The following CSNK2A1 variants were observed in gnomAD, a reference collection of about 807,000 sequenced individuals.
The protein encoded by CSNK2A1 is casein kinase II subunit alpha.
Under a neutral mutation model 62.9 loss-of-function variants are expected in CSNK2A1, and 10 were observed. The ratio of observed to expected loss-of-function variants is 0.16; its 90% confidence interval spans 0.10 to 0.27. The LOEUF is 0.27. Among genes scored for constraint, CSNK2A1 ranks in the 10% least tolerant of loss-of-function variants. The pLI is 1.00. For synonymous variants in CSNK2A1, 124 were observed against 167.8 expected (o/e 0.74, Z 2.02); for missense variants, 160 against 492.0 (o/e 0.33, Z 6.38).
At chr20:527,431 C>T (rs888671506) in intron 2 of CSNK2A1, among the ~76,000 whole-genome samples, 3 of 152,176 alleles carry the variant, frequency 2.0e-5, no homozygotes, top group Non-Finnish European at 2.9e-5. Context: ...ACTTGCTTCC[C>T]ACTCCTCTCC....
intron 2 of CSNK2A1, among the ~76,000 whole-genome samples, chr20:523,822 GCACTCCAGCCTGGGCGA>G (rs2019001420): frequency 7.6e-6 from 1 of 131,542 alleles, no homozygotes; most frequent in African/African-American, 3.0e-5. Context: ...TCACGCCAAT[GCACTCCAGCCTGGGCGA>G]CAGAGCAAGA....
intron 2 of CSNK2A1, among the ~76,000 whole-genome samples, chr20:519,758 G>A (rs2018906478): frequency 6.6e-6 from 1 of 152,140 alleles, no homozygotes; most frequent in South Asian, 2.1e-4. Context: ...ATCCCATTTT[G>A]GAAGGTCTGA....
rs543438102 is a variant in CSNK2A1, at chr20:475,735, G to A, written c.*8226C>T. On this transcript the variant is annotated 3_prime_UTR_variant, in exon 14 of 14. Coordinates refer to ENST00000217244, the MANE Select transcript of CSNK2A1 (RefSeq NM_177559.3). ...GATTTGCTTTCGCCAATGGGATGATGGTGCTTGTGACACAGCAGAGGCTTG... is the reference window on the plus strand; with the variant it reads ...GATTTGCTTTCGCCAATGGGATGATAGTGCTTGTGACACAGCAGAGGCTTG... 6.6e-6 allele frequency: 1 copy of A among 152,236 alleles called. No individual in the cohort carries two copies. Among genetic ancestry groups the A allele is most frequent in the Non-Finnish European group, 1.5e-5 (1 of 68,086 alleles). The allele number at this position is 152,236 out of a possible 1,614,324, so 9.4% of individuals were successfully genotyped here.
intron 1 of CSNK2A1, among the ~76,000 whole-genome samples, chr20:536,116 T>C (rs186291432): frequency 5.1e-4 from 77 of 151,824 alleles, no homozygotes; most frequent in Admixed American, 2.6e-3. Flanking sequence ...ACACGAGTAA[T>C]TGAGGTAATC....
intron 3 of CSNK2A1, 152 bp downstream of exon 3, chr20:508,299 C>T: frequency 1.2e-6 from 1 of 826,584 alleles, no homozygotes; most frequent in Non-Finnish European, 1.8e-6. Flanking sequence ...ACTGCAAAAC[C>T]AAATTTTCAG....
intron 4 of CSNK2A1, chr20:503,662 G>A: frequency 2.5e-6 from 1 of 398,168 alleles, no homozygotes; most frequent in East Asian, 3.6e-5. Flanking sequence ...TGTGAAGCTG[G>A]GTTTGCAGTA....
At chr20:542,637 TG>T (rs1467798919) in intron 1 of CSNK2A1, among the ~76,000 whole-genome samples, 1 of 152,120 alleles carries the variant, frequency 6.6e-6, no homozygotes, top group Admixed American at 6.5e-5. Context: ...TTCACCGTGT[TG>T]GTCAGGCTGG....
chr20:478,418 G>T lies in CSNK2A1; in HGVS notation c.*5543C>A, dbSNP rs1055437274. On this transcript the variant is annotated 3_prime_UTR_variant, in exon 14 of 14. Coordinates refer to ENST00000217244, the MANE Select transcript of CSNK2A1 (RefSeq NM_177559.3). ...TCAATAGCTGAGACTCTGATTCCCA[G>T]GGTGGGATCAGGAAGCCAGCCCCAG... is the stretch of plus-strand genomic sequence containing the variant. The T allele has an allele frequency of 2.5e-5, 6 of 238,952 alleles. No homozygotes were observed. The highest frequency in any genetic ancestry group is 5.1e-5 in the Non-Finnish European group (6 of 117,752). 14.8% of individuals were successfully genotyped at this position (238,952 alleles called of 1,614,324 possible). A position where few individuals can be genotyped will look rare whatever the true frequency, so the allele number is the denominator to read the frequency against.
chr20:520,990 A>G (rs2122607568), intron 2 of CSNK2A1, among the ~76,000 whole-genome samples: 1 of 152,314 alleles, frequency 6.6e-6, no homozygotes, highest in Non-Finnish European at 1.5e-5. Context: ...GGGAAAAAAA[A>G]AGATATAAAT....
At chr20:484,668 T>C (rs2018027331) in intron 13 of CSNK2A1, among the ~76,000 whole-genome samples, 1 of 151,238 alleles carries the variant, frequency 6.6e-6, no homozygotes, top group Non-Finnish European at 1.5e-5. Context: ...TTCCATTTGA[T>C]TTCTTCCACC....
Position 508,534 on chromosome 20 carries a change from T to C in CSNK2A1, c.18A>G (p.Pro6=), listed in dbSNP as rs1235548688. 1 of 1,613,930 alleles carries C rather than the reference T, an allele frequency of 6.2e-7. No individual in the cohort carries two copies. Residue 6 remains proline, a synonymous_variant, in exon 3 of 14, where the codon CCA becomes CCG. Coordinates refer to ENST00000217244, the MANE Select transcript of CSNK2A1 (RefSeq NM_177559.3). ...CATCTGTGTAAACTCTGGCCCTGCTTGGCACGGGTCCCGACATGTCAGACA... is the reference window on the plus strand; with the variant it reads ...CATCTGTGTAAACTCTGGCCCTGCTCGGCACGGGTCCCGACATGTCAGACA... MSGPV[P]SRARVYTDVN...
At chr20:505,327 G>A in intron 3 of CSNK2A1, 98 bp from the exon 4 acceptor site, 6 of 424,152 alleles carry the variant, frequency 1.4e-5, no homozygotes, top group Non-Finnish European at 2.6e-5. Flanking sequence ...GAAATAAGAA[G>A]TATTTCAAAC....
intron 3 of CSNK2A1, chr20:506,243 A>G (rs914423626): frequency 6.6e-6 from 1 of 152,200 alleles, no homozygotes; most frequent in Non-Finnish European, 1.5e-5. Flanking sequence ...GCAGGAACTA[A>G]AAACATTTTG....
At chr20:490,353 G>GTTTT (rs373775413) in intron 9 of CSNK2A1, among the ~76,000 whole-genome samples, 3 of 53,492 alleles carry the variant, frequency 5.6e-5, no homozygotes, top group African/African-American at 2.2e-4. Context: ...TTTTTTTTTA[G>GTTTT]TTTTTTTTTT....
At chr20:535,983 A>G (rs1180140404) in intron 1 of CSNK2A1, among the ~76,000 whole-genome samples, 1 of 152,192 alleles carries the variant, frequency 6.6e-6, no homozygotes, top group Non-Finnish European at 1.5e-5. Flanking sequence ...CCTCTGATCT[A>G]TATTTACAAG....
intron 2 of CSNK2A1, 78 bp downstream of exon 2, chr20:527,855 C>G (rs371505534): frequency 6.6e-6 from 1 of 152,252 alleles, no homozygotes; most frequent in East Asian, 1.9e-4. Context: ...TTTTAAAATG[C>G]TCCTCAGTCT....
At chr20:486,342 C>T (rs1441437899) in intron 13 of CSNK2A1, 34 bp downstream of exon 13, 5 of 1,612,246 alleles carry the variant, frequency 3.1e-6, no homozygotes, top group African/African-American at 1.3e-5. Context: ...TTGACTTCCA[C>T]ATTTTTTTAA....
At chr20:485,658 C>T (rs1318914934) in intron 13 of CSNK2A1, among the ~76,000 whole-genome samples, 3 of 152,128 alleles carry the variant, frequency 2.0e-5, no homozygotes, top group Admixed American at 6.5e-5. Flanking sequence ...AATAAGGCTA[C>T]AAGTAAGTTT....
rs2019131732 is a variant in CSNK2A1, at chr20:527,935, A to C, written c.-112T>G. On this transcript the variant is annotated splice_region_variant and 5_prime_UTR_variant, in exon 2 of 14. Transcript: ENST00000217244. ...AAAGGTTTCCTACTATCACTTACCA[A>C]AGAGATGTGAAACTAGTCAGTATGG... The C allele has an allele frequency of 6.6e-6, 1 of 152,118 alleles. No individual in the cohort carries two copies. The highest frequency in any genetic ancestry group is 2.1e-4 in the South Asian group (1 of 4,820). The allele number at this position is 152,118 out of a possible 1,614,324, so 9.4% of individuals were successfully genotyped here.
Sources: gnomAD v4.1 joint callset for allele counts (sites outside exome capture counted in the v4.1 genomes callset) on GRCh38, gnomAD v4.1.1 for gene constraint, MANE v1.5 for transcripts, NCBI Gene and HGNC (gene_info 2026-07-23, HGNC 2026-07-21) for gene names.